SUCLA2: variants seen among roughly 807,000 people sequenced by gnomAD.
SUCLA2 encodes succinate-CoA ligase ADP-forming subunit beta, also known as succinate--CoA ligase [ADP-forming] subunit beta, mitochondrial.
A neutral mutation model predicts 54.8 loss-of-function variants in SUCLA2; 30 were observed. That is an observed-to-expected ratio of 0.55 (90% confidence interval 0.41 to 0.74). The LOEUF (loss-of-function observed/expected upper bound fraction) is 0.74. Among genes scored for constraint, SUCLA2 ranks in the 30% least tolerant of loss-of-function variants. The probability of loss-of-function intolerance (pLI) is 0.00; values close to 1 mark genes in which losing one functional copy is unlikely to be tolerated. For synonymous variants in SUCLA2, 172 were observed against 188.9 expected, an observed-to-expected ratio of 0.91 and a Z score of 0.74; for missense variants, 476 against 562.9, an observed-to-expected ratio of 0.85 and a Z score of 1.56.
chr13:47,978,224 C>T (rs915963887), intron 4 of SUCLA2, among the ~76,000 whole-genome samples: 1 of 151,960 alleles, frequency 6.6e-6, no homozygotes, highest in Non-Finnish European at 1.5e-5. Context: ...CCTAAGCAAA[C>T]AGAACAAAGC....
chr13:47,959,103 T>C (rs567047281), intron 6 of SUCLA2, among the ~76,000 whole-genome samples: 13 of 152,274 alleles, frequency 8.5e-5, no homozygotes, highest in Admixed American at 8.5e-4. Context: ...CACTAACATT[T>C]AAGGTTACTA....
chr13:47,979,042 CA>C (rs1452990529), intron 4 of SUCLA2, among the ~76,000 whole-genome samples: 6 of 152,162 alleles, frequency 3.9e-5, no homozygotes, highest in African/African-American at 1.4e-4. Flanking sequence ...TGTGGAGAAA[CA>C]GGAACACTTT....
At chr13:47,992,388 C>G (rs1281807666) in intron 2 of SUCLA2, among the ~76,000 whole-genome samples, 1 of 93,074 alleles carries the variant, frequency 1.1e-5, no homozygotes, top group African/African-American at 4.2e-5. Flanking sequence ...ACAACGAAAG[C>G]AAAAAAAAAA....
intron 4 of SUCLA2, among the ~76,000 whole-genome samples, chr13:47,981,672 C>T (rs145312018): frequency 0.012 from 1,782 of 152,218 alleles, 20 homozygotes; most frequent in Non-Finnish European, 0.017. Flanking sequence ...AAAAACTAGC[C>T]GGGCATGGTG....
At chr13:47,994,369 A>G (rs1296511154) in intron 2 of SUCLA2, among the ~76,000 whole-genome samples, 1 of 152,020 alleles carries the variant, frequency 6.6e-6, no homozygotes, top group African/African-American at 2.4e-5. Context: ...GGGGTTCGAG[A>G]CCAGCCTGAC....
chr13:47,963,924 T>A (rs1410448261), intron 6 of SUCLA2, among the ~76,000 whole-genome samples: 2 of 152,214 alleles, frequency 1.3e-5, no homozygotes, highest in South Asian at 4.1e-4. Context: ...TCCTGGAATA[T>A]CTTGTTGCAC....
chr13:47,980,698 A>C (rs1189255575), intron 4 of SUCLA2, among the ~76,000 whole-genome samples: 1 of 152,134 alleles, frequency 6.6e-6, no homozygotes, highest in Non-Finnish European at 1.5e-5. Context: ...ATATATTACA[A>C]GGTTACAGTT....
intron 2 of SUCLA2, chr13:47,991,825 T>C (rs1425075478): frequency 6.6e-6 from 1 of 152,244 alleles, no homozygotes; most frequent in African/African-American, 2.4e-5. Flanking sequence ...GTATCTTGTT[T>C]AGATAAGACA....
intron 8 of SUCLA2, among the ~76,000 whole-genome samples, chr13:47,953,151 T>G (rs1472712567): frequency 6.6e-6 from 1 of 152,124 alleles, no homozygotes; most frequent in Non-Finnish European, 1.5e-5. Context: ...ACACCCTGGG[T>G]TACCATTCTG....
intron 6 of SUCLA2, among the ~76,000 whole-genome samples, chr13:47,964,533 C>T (rs1949900071): frequency 6.6e-6 from 1 of 152,162 alleles, no homozygotes; most frequent in Admixed American, 6.5e-5. Flanking sequence ...CCAATGTCAA[C>T]TAACTGTTTG....
intron 10 of SUCLA2, among the ~76,000 whole-genome samples, chr13:47,944,678 T>G (rs1284519194): frequency 6.6e-6 from 1 of 152,218 alleles, no homozygotes; most frequent in African/African-American, 2.4e-5. Flanking sequence ...ACTATTCCCT[T>G]GCTCAAATTC....
chr13:47,949,042 A>G lies in SUCLA2; in HGVS notation c.1229-14T>C. ...CGACTCGTGTACCTGTAAATGATTT[A>G]TGCAAATATAAATGTTTTAAATACA... On this transcript the variant is annotated splice_polypyrimidine_tract_variant and intron_variant, in intron 9 of 10. Coordinates refer to ENST00000646932, the MANE Select transcript of SUCLA2 (RefSeq NM_003850.3). The G allele has an allele frequency of 1.9e-6, 3 of 1,611,314 alleles. No homozygotes were observed. The highest frequency in any genetic ancestry group is 2.5e-6 in the Non-Finnish European group (3 of 1,177,582).
intron 6 of SUCLA2, among the ~76,000 whole-genome samples, chr13:47,956,092 A>G (rs1486855397): frequency 6.6e-6 from 1 of 152,216 alleles, no homozygotes; most frequent in Non-Finnish European, 1.5e-5. Context: ...GAAACAGTCA[A>G]CTGAAACCAA....
At chr13:47,944,631 T>C (rs1343725516) in intron 10 of SUCLA2, among the ~76,000 whole-genome samples, 1 of 152,168 alleles carries the variant, frequency 6.6e-6, no homozygotes. Context: ...ATCCCACATC[T>C]CAAAGTCAAA....
chr13:47,946,351 C>A (rs1299371272), intron 10 of SUCLA2, among the ~76,000 whole-genome samples: 1 of 152,054 alleles, frequency 6.6e-6, no homozygotes, highest in African/African-American at 2.4e-5. Flanking sequence ...GGGGGGACTA[C>A]TGCACACATA....
At chr13:47,980,784 C>T (rs1417139721) in intron 4 of SUCLA2, among the ~76,000 whole-genome samples, 1 of 152,004 alleles carries the variant, frequency 6.6e-6, no homozygotes, top group Admixed American at 6.6e-5. Flanking sequence ...CAGAAATAAT[C>T]CCTAAGGTAT....
intron 10 of SUCLA2, among the ~76,000 whole-genome samples, chr13:47,948,301 G>GT (rs1293141786): frequency 6.6e-6 from 1 of 152,040 alleles, no homozygotes; most frequent in Non-Finnish European, 1.5e-5. Flanking sequence ...ACTCTCTTTT[G>GT]TTTTTTCAAT....
At chr13:47,978,461 T>C (rs188646900) in intron 4 of SUCLA2, among the ~76,000 whole-genome samples, 81 of 152,290 alleles carry the variant, frequency 5.3e-4, no homozygotes, top group Non-Finnish European at 8.8e-5. Context: ...TGGCTAGCCA[T>C]ATGCAGAAAA....
chr13:47,945,131 C>G (rs1385423009), intron 10 of SUCLA2, among the ~76,000 whole-genome samples: 3 of 151,420 alleles, frequency 2.0e-5, no homozygotes, highest in Non-Finnish European at 4.4e-5. Context: ...TGCCTGTAAT[C>G]CCAGCTGCTT....
Sources: gnomAD v4.1 joint callset for allele counts (sites outside exome capture counted in the v4.1 genomes callset) on GRCh38, gnomAD v4.1.1 for gene constraint, MANE v1.5 for transcripts, NCBI Gene and HGNC (gene_info 2026-07-23, HGNC 2026-07-21) for gene names.